The following CRACDL variants were observed in gnomAD, a reference collection of about 807,000 sequenced individuals.
The protein encoded by CRACDL is CRACD-like protein.
In CRACDL, 26 loss-of-function variants were observed where a neutral mutation model predicts 70.6. That is an observed-to-expected ratio of 0.37 (90% confidence interval 0.27 to 0.51). CRACDL has a LOEUF of 0.51. CRACDL is among the 20% of genes least tolerant of loss of function. The pLI is 0.94. For missense variants in CRACDL, 1,283 were observed against 1,376.9 expected (o/e 0.93, Z 1.08); for synonymous variants, 618 against 615.2 (o/e 1.00, Z -0.07).
intron 3 of CRACDL, among the ~76,000 whole-genome samples, chr2:98,833,371 C>G (rs1380288983): frequency 6.6e-6 from 1 of 152,240 alleles, no homozygotes; most frequent in Non-Finnish European, 1.5e-5. Context: ...TGAGGTCACG[C>G]CTTGTGGGCA....
intron 1 of CRACDL, among the ~76,000 whole-genome samples, chr2:98,865,669 G>A (rs1707105193): frequency 6.6e-6 from 1 of 152,010 alleles, no homozygotes. Context: ...GTGCCAGCTT[G>A]CTGCTTAATG....
intron 7 of CRACDL, chr2:98,809,685 G>T (rs1017744412): frequency 6.6e-6 from 1 of 152,166 alleles, no homozygotes; most frequent in Non-Finnish European, 1.5e-5. Flanking sequence ...CACAGATCCT[G>T]CAAACATGCT....
At chr2:98,854,327 C>T (rs1486213200) in intron 1 of CRACDL, among the ~76,000 whole-genome samples, 1 of 138,084 alleles carries the variant, frequency 7.2e-6, no homozygotes, top group African/African-American at 2.7e-5. Context: ...AGATGGGATA[C>T]ATTAAAAAGT....
At chr2:98,829,106 A>G (rs1225863861) in intron 5 of CRACDL, among the ~76,000 whole-genome samples, 1 of 152,284 alleles carries the variant, frequency 6.6e-6, no homozygotes, top group Non-Finnish European at 1.5e-5. Context: ...AAGAATGATC[A>G]CGGTGCCTGT....
At chr2:98,795,077 A>ATATATATATATATTTTTTTTTTTTTTT in intron 9 of CRACDL, among the ~76,000 whole-genome samples, 5 of 58,508 alleles carry the variant, frequency 8.5e-5, no homozygotes, top group Admixed American at 2.2e-4. Flanking sequence ...ATATATATAT[A>ATATATATATATATTTTTTTTTTTTTTT]TTTTTTTTTT....
Position 98,822,864 on chromosome 2 carries a change from C to T in CRACDL, c.1409G>A (p.Arg470Lys). ...TCTCTCGGGCTCGGTCCCCGCTCCT[C>T]TCTCGGGCTCCGTCTCCGCTTCTCT... ...PEREAETEPE[R>K]GAGTEPERIG... Residue 470 changes from arginine to lysine, a missense_variant, in exon 7 of 10, where the codon AGA becomes AAA. Coordinates refer to ENST00000397899, the MANE Select transcript of CRACDL (RefSeq NM_207362.3). This position sits in a 1 kb window ranked among gnomAD's most constrained non-coding sequence, Gnocchi z 4.9. The T allele has an allele frequency of 1.4e-6, 2 of 1,462,706 alleles. No homozygotes were observed. The highest frequency in any genetic ancestry group is 2.7e-5 in the East Asian group (1 of 36,982). The allele number at this position is 1,462,706 out of a possible 1,614,324, so 90.6% of individuals were successfully genotyped here.
At chr2:98,830,188 A>G (rs1043983221) in intron 5 of CRACDL, among the ~76,000 whole-genome samples, 13 of 152,250 alleles carry the variant, frequency 8.5e-5, no homozygotes, top group African/African-American at 3.1e-4. Flanking sequence ...CTTAAAAACC[A>G]CCAGGTAAAC....
chr2:98,847,839 G>A (rs2104538705), intron 1 of CRACDL, among the ~76,000 whole-genome samples: 1 of 152,300 alleles, frequency 6.6e-6, no homozygotes, highest in African/African-American at 2.4e-5. Flanking sequence ...AGCACAGAAT[G>A]GGAAATGATG....
intron 1 of CRACDL, among the ~76,000 whole-genome samples, chr2:98,876,063 C>T (rs867166127): frequency 3.9e-5 from 6 of 152,288 alleles, no homozygotes; most frequent in Middle Eastern, 6.8e-3. Flanking sequence ...AGAGCAAAAG[C>T]CAGTGTGCTC....
chr2:98,883,543 G>A (rs1707713151), intron 1 of CRACDL, among the ~76,000 whole-genome samples: 1 of 152,230 alleles, frequency 6.6e-6, no homozygotes, highest in African/African-American at 2.4e-5. Context: ...CTGGAGTCAT[G>A]TACGTATCAG....
intron 1 of CRACDL, among the ~76,000 whole-genome samples, chr2:98,851,595 A>G (rs1706485078): frequency 6.6e-6 from 1 of 152,014 alleles, no homozygotes; most frequent in Non-Finnish European, 1.5e-5. Context: ...TCTGCCATCT[A>G]CCCTGCATCA....
chr2:98,935,874 G>A (rs1709193723), intron 1 of CRACDL, 64 bp downstream of exon 1: 1 of 151,678 alleles, frequency 6.6e-6, no homozygotes, highest in African/African-American at 2.4e-5. Context: ...CGGTGCCCCC[G>A]CGCCCACCCC....
At chr2:98,807,661 A>G (rs918190026) in intron 7 of CRACDL, among the ~76,000 whole-genome samples, 1 of 152,186 alleles carries the variant, frequency 6.6e-6, no homozygotes, top group Non-Finnish European at 1.5e-5. Context: ...TTCTTTTCTT[A>G]TTTACTAAAT....
chr2:98,805,425 G>C (rs72958646), intron 7 of CRACDL, among the ~76,000 whole-genome samples: 1,850 of 152,210 alleles, frequency 0.012, 40 homozygotes, highest in African/African-American at 0.042. Flanking sequence ...AATTAAGCAA[G>C]GTGCCCCGGA....
At position 98,796,215 on chromosome 2, in the gene CRACDL, G is replaced by T. The variant is rs748024990; in HGVS notation, c.2654C>A (p.Thr885Asn). The change falls in exon 9 of 10, where the codon ACC (threonine) becomes AAC (asparagine). Residue 885 changes from threonine to asparagine, a missense_variant. This residue lies in a region of CRACDL where 921 missense variants were observed against 881.9 expected (regional missense o/e 1.04). Transcript: ENST00000397899. ...DFVRSKSFLI[T>N]PVKPAVDRKQ... ...CCGGTCCACAGCGGGCTTCACAGGG[G>T]TTATCAGGAAAGACTTGCTGCGAAC... is the stretch of plus-strand genomic sequence containing the variant. 1.9e-6 allele frequency: 3 copies of T among 1,614,234 alleles called. No homozygotes were observed. The highest frequency in any genetic ancestry group is 2.5e-6 in the Non-Finnish European group (3 of 1,180,014).
intron 1 of CRACDL, among the ~76,000 whole-genome samples, chr2:98,915,341 T>C (rs1029400711): frequency 1.3e-5 from 2 of 152,148 alleles, no homozygotes; most frequent in Non-Finnish European, 2.9e-5. Flanking sequence ...GCAGGTATCA[T>C]AGCAGTTTCT....
intron 1 of CRACDL, among the ~76,000 whole-genome samples, chr2:98,871,699 G>A (rs1707352113): frequency 6.6e-6 from 1 of 152,204 alleles, no homozygotes; most frequent in Admixed American, 6.5e-5. Flanking sequence ...TTATAACAGT[G>A]TCCTGGAAAC....
At chr2:98,819,018 T>C (rs926359127) in intron 7 of CRACDL, among the ~76,000 whole-genome samples, 1 of 152,256 alleles carries the variant, frequency 6.6e-6, no homozygotes, top group African/African-American at 2.4e-5. Context: ...TTGAAATTCA[T>C]CTAACTCTGA....
intron 1 of CRACDL, among the ~76,000 whole-genome samples, chr2:98,874,367 C>T (rs1397199228): frequency 6.6e-6 from 1 of 152,242 alleles, no homozygotes; most frequent in Non-Finnish European, 1.5e-5. Context: ...TGGTTTCTCA[C>T]AGTTCCTTCC....
Sources: allele counts gnomAD v4.1 joint callset (sites outside exome capture counted in the v4.1 genomes callset), GRCh38; gene constraint gnomAD v4.1.1; regional missense constraint gnomAD v4.1.1; non-coding constraint Gnocchi (gnomAD v3.1); transcripts MANE v1.5; gene names NCBI Gene and HGNC (gene_info 2026-07-23, HGNC 2026-07-21).